DRAXIN: variants seen among roughly 807,000 people sequenced by gnomAD.
The protein encoded by DRAXIN is dorsal repulsive axon guidance protein.
DRAXIN carries 27 observed loss-of-function variants against 33.9 expected under a neutral mutation model. That is an observed-to-expected ratio of 0.80 (90% CI 0.59 to 1.10). The LOEUF (loss-of-function observed/expected upper bound fraction) is 1.10. Ranked by LOEUF, DRAXIN falls within the 50% of genes least tolerant of loss-of-function variation. The pLI is 0.00. For missense variants in DRAXIN, 371 were observed against 460.8 expected (o/e 0.81, Z 1.78); for synonymous variants, 178 against 194.0 (o/e 0.92, Z 0.69).
chr1:11,716,808 T>A (rs1259367028), intron 6 of DRAXIN, among the ~76,000 whole-genome samples: 2 of 152,186 alleles, frequency 1.3e-5, no homozygotes, highest in African/African-American at 4.8e-5. Context: ...GCTATGTAGT[T>A]CTGATTATTC....
At chr1:11,707,196 G>A (rs1008295160) in intron 2 of DRAXIN, among the ~76,000 whole-genome samples, 16 of 152,230 alleles carry the variant, frequency 1.1e-4, no homozygotes, top group Middle Eastern at 3.4e-3. Flanking sequence ...GCGAGACTCC[G>A]TCTCAAAAAA....
chr1:11,706,287 C>T lies in DRAXIN; in HGVS notation c.29C>T (p.Pro10Leu). The T allele has an allele frequency of 6.2e-7, 1 of 1,610,900 alleles. No individual in the cohort carries two copies. The highest frequency in any genetic ancestry group is 8.5e-7 in the Non-Finnish European group (1 of 1,178,810). MAGPAIHTAPMLFLVLLLPL... is the reference protein window; with the variant it reads MAGPAIHTALMLFLVLLLPL... ...GCTGGGCCTGCCATCCACACCGCTC[C>T]CATGCTGTTCCTCGTCCTCCTGCTG... The change falls in exon 2 of 7, where the codon CCC (proline) becomes CTC (leucine). Residue 10 changes from proline to leucine, a missense_variant. Pro to Leu is a moderately conservative substitution (Grantham distance 98). Coordinates refer to ENST00000294485, the MANE Select transcript of DRAXIN (RefSeq NM_198545.4). The surrounding 1 kb of genome is among the most constrained non-coding windows in gnomAD (Gnocchi z 5.5).
At chr1:11,716,206 A>C (rs1641575187) in intron 6 of DRAXIN, among the ~76,000 whole-genome samples, 1 of 152,180 alleles carries the variant, frequency 6.6e-6, no homozygotes, top group South Asian at 2.1e-4. Flanking sequence ...TCAAATATAT[A>C]CTAAAGTAGT....
upstream of DRAXIN, among the ~76,000 whole-genome samples, chr1:11,688,439 T>C (rs11803352): frequency 0.028 from 4,183 of 152,096 alleles, 189 homozygotes; most frequent in African/African-American, 0.094. This position sits in a 1 kb window ranked among gnomAD's most constrained non-coding sequence, Gnocchi z 4.6. Context: ...CAGGTGCCTG[T>C]AGTCACAGCT....
rs1028975440 is a variant in DRAXIN, at chr1:11,696,651, G to A, written c.-11+4798G>A. ...GAGCAGGTCACGAGGTCAAGAGATC[G>A]AGAACATCCTAATCAACACGGTGAA... On this transcript the variant is annotated intron_variant, in intron 1 of 6. Coordinates refer to ENST00000294485, the MANE Select transcript of DRAXIN (RefSeq NM_198545.4). The surrounding 1 kb of genome is among the most constrained non-coding windows in gnomAD (Gnocchi z 4.7). Among the ~76,000 whole-genome samples, 10 of 151,776 alleles carry A rather than the reference G, an allele frequency of 6.6e-5. No individual in the cohort carries two copies. Among genetic ancestry groups the A allele is most frequent in the Non-Finnish European group, 1.3e-4 (9 of 67,938 alleles).
upstream of DRAXIN, among the ~76,000 whole-genome samples, chr1:11,688,744 T>C (rs1641007058): frequency 6.6e-6 from 1 of 152,140 alleles, no homozygotes; most frequent in Non-Finnish European, 1.5e-5. The surrounding 1 kb of genome is among the most constrained non-coding windows in gnomAD (Gnocchi z 4.6). Flanking sequence ...CAAATGGGGT[T>C]GGGACTTGCT....
In DRAXIN at chr1:11,701,361, C is replaced by T. The variant is rs536426574; in HGVS notation, c.-10-4888C>T. Among the ~76,000 whole-genome samples the T allele has an allele frequency of 8.5e-5, 13 of 152,252 alleles. No homozygotes were observed. The South Asian group carries it at 2.5e-3, about 29-fold the overall frequency. On this transcript the variant is annotated intron_variant, in intron 1 of 6. Coordinates refer to ENST00000294485, the MANE Select transcript of DRAXIN (RefSeq NM_198545.4). ...GGATTTGTGGCTTACAACCCCCTCG[C>T]CCCCAGAGCCTCGGTTTCGTCATTT...
chr1:11,712,820 T>A (rs1641515932), intron 5 of DRAXIN, among the ~76,000 whole-genome samples: 2 of 151,910 alleles, frequency 1.3e-5, no homozygotes, highest in South Asian at 4.1e-4. Flanking sequence ...AATCAATCGC[T>A]TGAACCTGCA....
intron 5 of DRAXIN, among the ~76,000 whole-genome samples, chr1:11,714,053 T>C (rs920194989): frequency 6.6e-6 from 1 of 151,444 alleles, no homozygotes; most frequent in African/African-American, 2.4e-5. Flanking sequence ...AATAAAAAAT[T>C]AACCAACCAG....
intron 6 of DRAXIN, among the ~76,000 whole-genome samples, chr1:11,716,722 G>A (rs1057247065): frequency 6.6e-6 from 1 of 152,138 alleles, no homozygotes; most frequent in Non-Finnish European, 1.5e-5. Context: ...ACCCAGGCTG[G>A]AGTGCAGTGG....
intron 4 of DRAXIN, 113 bp downstream of exon 4, chr1:11,712,078 G>A (rs1641503042): frequency 9.4e-7 from 1 of 1,065,452 alleles, no homozygotes; most frequent in Admixed American, 2.0e-5. Context: ...TCCAAAGGTG[G>A]GATGTGGGGA....
In DRAXIN at chr1:11,704,867, G is replaced by T. The variant is rs1641354302; in HGVS notation, c.-10-1382G>T. Among the ~76,000 whole-genome samples the T allele has an allele frequency of 6.6e-6, 1 of 152,218 alleles. No individual in the cohort carries two copies. The highest frequency in any genetic ancestry group is 1.5e-5 in the Non-Finnish European group (1 of 68,036). ...GATCCCAGGGGACCAGGACATGCCA[G>T]GCTGGGATGGAGGCAGAACTGGGTG... On this transcript the variant is annotated intron_variant, in intron 1 of 6. Transcript: ENST00000294485. This position sits in a 1 kb window ranked among gnomAD's most constrained non-coding sequence, Gnocchi z 4.6.
chr1:11,718,279 C>T (rs1310591903), intron 6 of DRAXIN, among the ~76,000 whole-genome samples: 6 of 140,744 alleles, frequency 4.3e-5, no homozygotes, highest in Non-Finnish European at 7.5e-5. Context: ...GGTGCCGCTG[C>T]ACTCCAGCCT....
chr1:11,714,873 G>A (rs535054233), intron 5 of DRAXIN, among the ~76,000 whole-genome samples: 4 of 152,342 alleles, frequency 2.6e-5, no homozygotes, highest in East Asian at 1.9e-4. Context: ...CACCACCTTC[G>A]CTCTTCCCAT....
rs757607940 is a variant in DRAXIN at position 11,719,610 on chromosome 1, C to A, written c.964C>A (p.Arg322=). The change falls in exon 7 of 7, where the codon CGG becomes AGG. Residue 322 remains arginine (R), a synonymous_variant. Transcript: ENST00000294485. The part of the protein sequence containing the change: ...EGLRCYAKFH[R]NRRVTRRKGR... ...GCTGCGCTGCTATGCCAAATTCCAC[C>A]GGAACCGCAGGGTTACACGGAGGAA... 3.7e-6 allele frequency: 6 copies of A among 1,613,476 alleles called. No individual in the cohort carries two copies. Among genetic ancestry groups the A allele is most frequent in the South Asian group, 1.1e-5 (1 of 91,016 alleles).
At chr1:11,702,145 CCACACACATTCACGCT>C (rs1438367883) in intron 1 of DRAXIN, among the ~76,000 whole-genome samples, 13 of 149,024 alleles carry the variant, frequency 8.7e-5, no homozygotes, top group Admixed American at 8.7e-4. Context: ...ACGTACACGC[CCACACACATTCACGCT>C]CACACATGCT....
At chr1:11,689,416 G>A (rs963030607), upstream of DRAXIN, among the ~76,000 whole-genome samples, 17 of 151,978 alleles carry the variant, frequency 1.1e-4, 1 homozygote, top group African/African-American at 3.9e-4. Context: ...TGGCCAACAT[G>A]GTGAAACCCC....
At chr1:11,688,136 G>A (rs548803433), upstream of DRAXIN, among the ~76,000 whole-genome samples, 7 of 152,256 alleles carry the variant, frequency 4.6e-5, no homozygotes, top group African/African-American at 1.2e-4. The surrounding 1 kb of genome is among the most constrained non-coding windows in gnomAD (Gnocchi z 4.6). Context: ...CCTTGGCGAC[G>A]CAAATCATGC....
chr1:11,718,141 TA>T (rs60384383), intron 6 of DRAXIN, among the ~76,000 whole-genome samples: 1,700 of 116,184 alleles, frequency 0.015, 21 homozygotes, highest in African/African-American at 0.043. Flanking sequence ...CCATCTCTGC[TA>T]AAAAAAAAAA....
Sources: gnomAD v4.1 joint callset for allele counts (sites outside exome capture counted in the v4.1 genomes callset) on GRCh38, gnomAD v4.1.1 for gene constraint, Gnocchi (gnomAD v3.1) non-coding constraint, MANE v1.5 for transcripts, NCBI Gene and HGNC (gene_info 2026-07-23, HGNC 2026-07-21) for gene names.